The following TPMT variants were observed in gnomAD, a reference collection of about 807,000 sequenced individuals.
TPMT encodes S-adenosyl-L-methionine:thiopurine S-methyltransferase.
TPMT carries 18 observed loss-of-function variants against 34.2 expected under a neutral mutation model. The observed-to-expected ratio is 0.53, with a 90% CI of 0.36 to 0.78. The LOEUF (loss-of-function observed/expected upper bound fraction) is 0.78. Among genes scored for constraint, TPMT ranks in the 30% least tolerant of loss-of-function variants. The pLI, the probability that TPMT is intolerant of heterozygous loss-of-function variation, is 0.00. For missense variants in TPMT, 265 were observed against 288.1 expected (o/e 0.92, Z 0.58); for synonymous variants, 69 against 92.4 (o/e 0.75, Z 1.45).
chr6:18,147,921 G>GA lies in TPMT; in HGVS notation c.141-7dup. 1 of 1,593,010 alleles carries GA rather than the reference G, an allele frequency of 6.3e-7. No individual in the cohort carries two copies. Among genetic ancestry groups the GA allele is most frequent in the South Asian group, 1.1e-5 (1 of 88,150 alleles). Reference sequence around the variant, plus strand: ...CTAAATGCTTCTTTAATAGCCTGAAGAGGAAAAAAAAAAAGGTTTTAGGAC... The same window carrying GA: ...CTAAATGCTTCTTTAATAGCCTGAAGAAGGAAAAAAAAAAAGGTTTTAGGAC... On this transcript the variant is annotated splice_region_variant and splice_polypyrimidine_tract_variant and intron_variant, in intron 2 of 8. Transcript: ENST00000309983.
Position 18,136,636 on chromosome 6 carries a change from C to T in TPMT, c.494+2327G>A, listed in dbSNP as rs947104638. 4.6e-5 allele frequency among the ~76,000 whole-genome samples: 7 copies of T among 152,038 alleles called. No individual in the cohort carries two copies. The highest frequency in any genetic ancestry group is 8.8e-5 in the Non-Finnish European group (6 of 68,022). On this transcript the variant is annotated intron_variant, in intron 6 of 8. Coordinates refer to ENST00000309983, the MANE Select transcript of TPMT (RefSeq NM_000367.5). This position sits in a 1 kb window ranked among gnomAD's most constrained non-coding sequence, Gnocchi z 4.7. ...CAGCCTGACCAACATGGAGAAACCC[C>T]GTCTCTACTAAAAATACAAAAAAAT...
At chr6:18,134,534 A>G (rs768896383) in intron 6 of TPMT, among the ~76,000 whole-genome samples, 26 of 152,300 alleles carry the variant, frequency 1.7e-4, no homozygotes, top group Non-Finnish European at 3.7e-4. Context: ...CTGTCCTTTG[A>G]GTAGGTGCCT....
Position 18,129,917 on chromosome 6 carries a change from T to C in TPMT, c.*751A>G, listed in dbSNP as rs1014836857. 1 of 152,238 alleles carries C rather than the reference T, an allele frequency of 6.6e-6. No individual in the cohort carries two copies. The highest frequency in any genetic ancestry group is 1.5e-5 in the Non-Finnish European group (1 of 68,050). 9.4% of individuals were successfully genotyped at this position (152,238 alleles called of 1,614,324 possible). On this transcript the variant is annotated 3_prime_UTR_variant, in exon 9 of 9. Transcript: ENST00000309983. ...GACAAGGGTTTATAGTAAAAACTAA[T>C]CTTTTATATAACTTTTGGGACCACC...
Position 18,139,742 on chromosome 6 carries a change from A to AAT in TPMT, c.367-26_367-25insAT. ...TCTGTAATGAAATAATGAAAAAAAAATTTTTTTTTTTTACTTAGTAAGTAC... is the reference window on the plus strand; with the variant it reads ...TCTGTAATGAAATAATGAAAAAAAAAATTTTTTTTTTTTTACTTAGTAAGTAC... On this transcript the variant is annotated intron_variant, in intron 4 of 8. Coordinates refer to ENST00000309983, the MANE Select transcript of TPMT (RefSeq NM_000367.5). This position sits in a 1 kb window ranked among gnomAD's most constrained non-coding sequence, Gnocchi z 4.2. The AAT allele has an allele frequency of 4.7e-6, 3 of 636,806 alleles. No individual in the cohort carries two copies. Among genetic ancestry groups the AAT allele is most frequent in the Non-Finnish European group, 4.6e-6 (2 of 431,140 alleles). 39.4% of individuals were successfully genotyped at this position (636,806 alleles called of 1,614,324 possible). A position where few individuals can be genotyped will look rare whatever the true frequency, so the allele number is the denominator to read the frequency against.
Position 18,138,903 on chromosome 6 carries a change from G to C in TPMT, c.494+60C>G, listed in dbSNP as rs1266020346. 1 of 1,410,524 alleles carries C rather than the reference G, an allele frequency of 7.1e-7. No homozygotes were observed. The highest frequency in any genetic ancestry group is 9.9e-7 in the Non-Finnish European group (1 of 1,006,748). The allele number at this position is 1,410,524 out of a possible 1,614,324, so 87.4% of individuals were successfully genotyped here. On this transcript the variant is annotated intron_variant, in intron 6 of 8. Transcript: ENST00000309983. The surrounding 1 kb of genome is among the most constrained non-coding windows in gnomAD (Gnocchi z 4.1). ...GTCTAAGCTGATTTTCTAGAACCCA[G>C]AAAAAGTATAGTATACTAAAAAATT...
chr6:18,129,246 C>T lies in TPMT; in HGVS notation c.*1422G>A, dbSNP rs1310648716. ...AAGAATCACTGTGAGCAAGGAGTTG[C>T]TTCAAATTAATAGCCTTACAAATCT... is the stretch of plus-strand genomic sequence containing the variant. On this transcript the variant is annotated 3_prime_UTR_variant, in exon 9 of 9. Coordinates refer to ENST00000309983, the MANE Select transcript of TPMT (RefSeq NM_000367.5). 6.6e-6 allele frequency: 1 copy of T among 152,128 alleles called. No individual in the cohort carries two copies. The highest frequency in any genetic ancestry group is 2.4e-5 in the African/African-American group (1 of 41,430). The allele number at this position is 152,128 out of a possible 1,614,324, so 9.4% of individuals were successfully genotyped here.
chr6:18,141,138 T>A (rs1784131310), intron 4 of TPMT, among the ~76,000 whole-genome samples: 1 of 152,080 alleles, frequency 6.6e-6, no homozygotes, highest in Non-Finnish European at 1.5e-5. Context: ...GACCTTTGGA[T>A]TGGGAATTTT....
rs995005319 is a variant in TPMT, at chr6:18,131,222, A to G, written c.626-442T>C. Among the ~76,000 whole-genome samples, 5 of 152,328 alleles carry G rather than the reference A, an allele frequency of 3.3e-5. No homozygotes were observed. The highest frequency in any genetic ancestry group is 3.3e-4 in the Admixed American group (5 of 15,298). ...CTCTTCTTTTTAATCAAAACAGAGG[A>G]ATGCTAAGGGCAAATTTCCTGAACT... On this transcript the variant is annotated intron_variant, in intron 8 of 8. Transcript: ENST00000309983. The surrounding 1 kb of genome is among the most constrained non-coding windows in gnomAD (Gnocchi z 4.3).
chr6:18,132,159 G>T lies in TPMT; in HGVS notation c.599C>A (p.Pro200Gln). 1 of 1,614,114 alleles carries T rather than the reference G, an allele frequency of 6.2e-7. No homozygotes were observed. Among genetic ancestry groups the T allele is most frequent in the Non-Finnish European group, 8.5e-7 (1 of 1,179,994 alleles). Residue 200 changes from proline (P) to glutamine (Q), a missense_variant, in exon 8 of 9, where the codon CCA becomes CAA. Transcript: ENST00000309983. This position sits in a 1 kb window ranked among gnomAD's most constrained non-coding sequence, Gnocchi z 4.8. The stretch of plus-strand genomic sequence containing the variant: ...AAACAACCTTTCAATTTCAGCATGT[G>T]GAACATAAAATGGTGGACCTAGGTA... ...TKHPGPPFYVPHAEIERLFGK... is the reference protein window; with the variant it reads ...TKHPGPPFYVQHAEIERLFGK...
chr6:18,147,778 C>A (rs769994665), intron 3 of TPMT, 45 bp downstream of exon 3: 1 of 1,540,322 alleles, frequency 6.5e-7, no homozygotes, highest in Non-Finnish European at 9.0e-7. Flanking sequence ...CCAAAGAATT[C>A]ATCATTAAGG....
chr6:18,151,748 A>G (rs1223124772), intron 1 of TPMT, among the ~76,000 whole-genome samples: 3 of 152,046 alleles, frequency 2.0e-5, no homozygotes, highest in Admixed American at 6.6e-5. Flanking sequence ...GCACACCCTC[A>G]TGCCTGGCTA....
In TPMT at chr6:18,139,648, T is replaced by G; in HGVS notation, c.419+17A>C. 6.2e-7 allele frequency: 1 copy of G among 1,607,968 alleles called. No individual in the cohort carries two copies. Among genetic ancestry groups the G allele is most frequent in the Non-Finnish European group, 8.5e-7 (1 of 1,174,626 alleles). ...GCATTCAAATTTTTTAAAGTGCAGATGTAGTATTCAACCTACCTGGGAAGA... is the reference window on the plus strand; with the variant it reads ...GCATTCAAATTTTTTAAAGTGCAGAGGTAGTATTCAACCTACCTGGGAAGA... On this transcript the variant is annotated intron_variant, in intron 5 of 8. Transcript: ENST00000309983. This position sits in a 1 kb window ranked among gnomAD's most constrained non-coding sequence, Gnocchi z 4.2.
intron 7 of TPMT, 175 bp downstream of exon 7, chr6:18,133,629 G>C (rs1240252808): frequency 3.3e-6 from 2 of 602,900 alleles, no homozygotes; most frequent in Non-Finnish European, 5.9e-6. Flanking sequence ...CAATATAGAA[G>C]AGAAAAACAT....
intron 6 of TPMT, among the ~76,000 whole-genome samples, chr6:18,137,287 G>A (rs929100169): frequency 5.9e-5 from 9 of 151,966 alleles, no homozygotes; most frequent in East Asian, 1.9e-4. Flanking sequence ...ACAGGTGTGC[G>A]CCACCAAGCC....
intron 1 of TPMT, among the ~76,000 whole-genome samples, chr6:18,152,712 A>T (rs1784376673): frequency 1.3e-5 from 2 of 151,738 alleles, no homozygotes; most frequent in Admixed American, 6.6e-5. Flanking sequence ...TTGAAAACTG[A>T]GTTCTGGGCC....
At chr6:18,151,257 G>C (rs919558614) in intron 1 of TPMT, among the ~76,000 whole-genome samples, 17 of 149,516 alleles carry the variant, frequency 1.1e-4, no homozygotes, top group African/African-American at 3.9e-4. Context: ...CTTGACGCCT[G>C]GAGTTTGAGA....
intron 3 of TPMT, among the ~76,000 whole-genome samples, chr6:18,144,676 G>A (rs1784216327): frequency 6.6e-6 from 1 of 151,132 alleles, no homozygotes; most frequent in Non-Finnish European, 1.5e-5. Context: ...ACCACACCCG[G>A]GCTTTTCCTG....
chr6:18,134,908 C>A (rs915332357), intron 6 of TPMT, among the ~76,000 whole-genome samples: 4 of 152,202 alleles, frequency 2.6e-5, no homozygotes, highest in Non-Finnish European at 4.4e-5. Flanking sequence ...CTTCCCCACA[C>A]TGAGGAAGGA....
Position 18,138,948 on chromosome 6 carries a change from A to G in TPMT, c.494+15T>C. 6.2e-7 allele frequency: 1 copy of G among 1,610,002 alleles called. No individual in the cohort carries two copies. The highest frequency in any genetic ancestry group is 1.7e-5 in the Admixed American group (1 of 59,592). On this transcript the variant is annotated intron_variant, in intron 6 of 8. Coordinates refer to ENST00000309983, the MANE Select transcript of TPMT (RefSeq NM_000367.5). This position sits in a 1 kb window ranked among gnomAD's most constrained non-coding sequence, Gnocchi z 4.1. Reference sequence around the variant, plus strand: ...AAAATTAAGACAGCTAAACAAAAAAAGAAAAATTACTTACCATTTGCGATC... The same window carrying G: ...AAAATTAAGACAGCTAAACAAAAAAGGAAAAATTACTTACCATTTGCGATC...
Sources: allele counts gnomAD v4.1 joint callset (sites outside exome capture counted in the v4.1 genomes callset), GRCh38; gene constraint gnomAD v4.1.1; non-coding constraint Gnocchi (gnomAD v3.1); transcripts MANE v1.5; gene names NCBI Gene and HGNC (gene_info 2026-07-23, HGNC 2026-07-21).